Variants in RANBP10 observed in about 807,000 individuals in gnomAD.
The protein encoded by RANBP10 is RAN binding protein 10.
RANBP10 carries 24 observed loss-of-function variants against 72.8 expected under a neutral mutation model. The ratio of observed to expected loss-of-function variants is 0.33; its 90% CI spans 0.24 to 0.46. The LOEUF (loss-of-function observed/expected upper bound fraction) is 0.46, where lower values mean the gene tolerates loss of function less well. RANBP10 is among the 20% of genes least tolerant of loss of function. The pLI, the probability that RANBP10 is intolerant of heterozygous loss-of-function variation, is 1.00. For synonymous variants in RANBP10, 310 were observed against 322.3 expected (o/e 0.96, Z 0.41); for missense variants, 679 against 817.5 (o/e 0.83, Z 2.07).
At chr16:67,792,007 TG>T (rs2055036599) in intron 2 of RANBP10, among the ~76,000 whole-genome samples, 1 of 146,126 alleles carries the variant, frequency 6.8e-6, no homozygotes, top group African/African-American at 2.6e-5. Flanking sequence ...ATCACACCAC[TG>T]CACTCCAGCC....
intron 2 of RANBP10, among the ~76,000 whole-genome samples, chr16:67,804,773 C>T (rs1056925755): frequency 6.6e-6 from 1 of 152,102 alleles, no homozygotes; most frequent in Non-Finnish European, 1.5e-5. Flanking sequence ...AGGTGATCTG[C>T]CCATCTTAGC....
At chr16:67,787,618 A>G (rs1251418226) in intron 2 of RANBP10, among the ~76,000 whole-genome samples, 1 of 152,196 alleles carries the variant, frequency 6.6e-6, no homozygotes, top group Admixed American at 6.6e-5. Context: ...AAAAGGTGAA[A>G]GCAACCTAAG....
rs185834962 is a variant in RANBP10 at position 67,788,437 on chromosome 16, T to C, written c.348-16351A>G. Among the ~76,000 whole-genome samples, 241 of 150,888 alleles carry C rather than the reference T, an allele frequency of 1.6e-3. 1 individual carries two copies. Among genetic ancestry groups the C allele is most frequent in the Middle Eastern group, 3.4e-3 (1 of 292 alleles). On this transcript the variant is annotated intron_variant, in intron 2 of 13. Coordinates refer to ENST00000317506, the MANE Select transcript of RANBP10 (RefSeq NM_020850.3). ...CCGGCTAATTTTTTGTTGTATTTTT[T>C]TAGTAGAGAGGGGGTTTCACCATGT...
At position 67,753,536 on chromosome 16, in the gene RANBP10, G is replaced by C. The variant is rs148940190; in HGVS notation, c.401-9081C>G. Reference sequence around the variant, plus strand: ...GCCAGATGATGGGCTAGCAATGGGAGGGGGGATGAGGACTGACTGGAATGG... The same window carrying C: ...GCCAGATGATGGGCTAGCAATGGGACGGGGGATGAGGACTGACTGGAATGG... On this transcript the variant is annotated intron_variant, in intron 3 of 13. Coordinates refer to ENST00000317506, the MANE Select transcript of RANBP10 (RefSeq NM_020850.3). Among the ~76,000 whole-genome samples, 36 of 152,284 alleles carry C rather than the reference G, an allele frequency of 2.4e-4. No homozygotes were observed. In the East Asian group the frequency reaches 5.2e-3, roughly 22 times the overall value.
At chr16:67,785,118 A>C (rs1047894538) in intron 2 of RANBP10, among the ~76,000 whole-genome samples, 2 of 152,110 alleles carry the variant, frequency 1.3e-5, no homozygotes, top group African/African-American at 4.8e-5. Context: ...AGGCTGAGGC[A>C]GGAGAATCAC....
At chr16:67,773,209 T>C (rs1205599399) in intron 2 of RANBP10, among the ~76,000 whole-genome samples, 5 of 152,188 alleles carry the variant, frequency 3.3e-5, no homozygotes, top group African/African-American at 9.7e-5. Context: ...TCTTGCTCTA[T>C]GTTCCTGCGA....
intron 2 of RANBP10, among the ~76,000 whole-genome samples, chr16:67,799,991 C>T (rs1862026810): frequency 6.6e-6 from 1 of 152,076 alleles, no homozygotes; most frequent in South Asian, 2.1e-4. Context: ...CATGGTGGTG[C>T]ACGCCTGTAG....
chr16:67,731,496 G>A lies in RANBP10; in HGVS notation c.865C>T (p.Gln289Ter). ...RMTETPIQEE[Q>*]ASIKNRQKIQ... ...CTTTGTCTGTTCTTTATGGACGCCTGTTCTTCCTGAATCGGGGTTTCAGTC... is the reference window on the plus strand; with the variant it reads ...CTTTGTCTGTTCTTTATGGACGCCTATTCTTCCTGAATCGGGGTTTCAGTC... The change falls in exon 7 of 14, where the codon CAG (glutamine) becomes TAG (stop). Residue 289 changes from glutamine (Q) to a stop codon, truncating the protein, a stop_gained. Coordinates refer to ENST00000317506, the MANE Select transcript of RANBP10 (RefSeq NM_020850.3). LOFTEE classifies it high-confidence loss of function. The A allele has an allele frequency of 6.2e-7, 1 of 1,613,926 alleles. No individual in the cohort carries two copies. The highest frequency in any genetic ancestry group is 8.5e-7 in the Non-Finnish European group (1 of 1,179,772).
At chr16:67,778,362 AAAG>A (rs1305112556) in intron 2 of RANBP10, among the ~76,000 whole-genome samples, 1 of 152,192 alleles carries the variant, frequency 6.6e-6, no homozygotes, top group Non-Finnish European at 1.5e-5. Flanking sequence ...ATAAAAAAAA[AAAG>A]AAGTTTTTTG....
chr16:67,753,205 T>C (rs1044112490), intron 3 of RANBP10, among the ~76,000 whole-genome samples: 8 of 123,694 alleles, frequency 6.5e-5, no homozygotes, highest in Non-Finnish European at 1.4e-4. Flanking sequence ...AATCTCATCT[T>C]AAAAAAAAAA....
chr16:67,750,493 C>A (rs1215828477), intron 3 of RANBP10, among the ~76,000 whole-genome samples: 1 of 152,178 alleles, frequency 6.6e-6, no homozygotes, highest in Non-Finnish European at 1.5e-5. Flanking sequence ...ACTGTCCATG[C>A]CCCCTCCCCC....
intron 3 of RANBP10, among the ~76,000 whole-genome samples, chr16:67,767,758 G>A (rs778303064): frequency 1.1e-4 from 16 of 151,712 alleles, no homozygotes; most frequent in East Asian, 2.0e-4. Flanking sequence ...CACCGCGCCC[G>A]GCTAATTTTT....
intron 3 of RANBP10, among the ~76,000 whole-genome samples, chr16:67,769,790 G>A (rs2143012143): frequency 7.0e-6 from 1 of 143,168 alleles, no homozygotes; most frequent in Non-Finnish European, 1.5e-5. Flanking sequence ...TCCTTACCAG[G>A]CAGGCTGGCT....
intron 3 of RANBP10, among the ~76,000 whole-genome samples, chr16:67,744,848 C>T (rs915546575): frequency 5.3e-5 from 8 of 152,182 alleles, no homozygotes; most frequent in African/African-American, 1.7e-4. Flanking sequence ...TGTTTTGAGA[C>T]GGAGTCTCGC....
At position 67,725,814 on chromosome 16, in the gene RANBP10, G is replaced by A. The variant is rs564833138; in HGVS notation, c.*614C>T. ...AGCTCGGCCTGTGACTCAAAAAAGG[G>A]GGAGCAAAAAATAAATCACTTGGCT... is the stretch of plus-strand genomic sequence containing the variant. On this transcript the variant is annotated 3_prime_UTR_variant, in exon 14 of 14. Transcript: ENST00000317506. 3.9e-5 allele frequency: 6 copies of A among 152,582 alleles called. No individual in the cohort carries two copies. Among genetic ancestry groups the A allele is most frequent in the Admixed American group, 2.6e-4 (4 of 15,274 alleles). The allele number at this position is 152,582 out of a possible 1,614,324, so 9.5% of individuals were successfully genotyped here.
At chr16:67,781,680 A>G (rs1455279841) in intron 2 of RANBP10, among the ~76,000 whole-genome samples, 2 of 152,212 alleles carry the variant, frequency 1.3e-5, no homozygotes, top group Admixed American at 1.3e-4. Context: ...CAGTGAGGCC[A>G]TGAGTAGGCC....
At chr16:67,752,376 G>A (rs1311483324) in intron 3 of RANBP10, among the ~76,000 whole-genome samples, 1 of 152,194 alleles carries the variant, frequency 6.6e-6, no homozygotes, top group Non-Finnish European at 1.5e-5. Flanking sequence ...GAGGCCGCTA[G>A]AAGCTAGAAA....
chr16:67,762,538 C>T (rs1349071748), intron 3 of RANBP10: 1 of 152,142 alleles, frequency 6.6e-6, no homozygotes, highest in East Asian at 1.9e-4. Flanking sequence ...GTCTATTTCC[C>T]CATATGACCA....
intron 3 of RANBP10, among the ~76,000 whole-genome samples, chr16:67,747,478 A>G (rs1278525151): frequency 2.0e-5 from 3 of 151,940 alleles, no homozygotes; most frequent in Admixed American, 6.6e-5. Flanking sequence ...CTTCCAGTCT[A>G]TGGTTTATCA....
Sources: gnomAD v4.1 joint callset for allele counts (sites outside exome capture counted in the v4.1 genomes callset) on GRCh38, gnomAD v4.1.1 for gene constraint, MANE v1.5 for transcripts, NCBI Gene and HGNC (gene_info 2026-07-23, HGNC 2026-07-21) for gene names.